Variants in DLGAP2 observed in about 807,000 individuals in gnomAD.
DLGAP2 encodes disks large-associated protein 2.
In DLGAP2, 26 loss-of-function variants were observed where a neutral mutation model predicts 100.3. That is an observed-to-expected ratio of 0.26 (90% confidence interval 0.19 to 0.36). DLGAP2 has a LOEUF of 0.36. Ranked by LOEUF, DLGAP2 falls within the 10% of genes least tolerant of loss-of-function variation. The pLI is 1.00. For synonymous variants in DLGAP2, 886 were observed against 630.1 expected, an observed-to-expected ratio of 1.41 and a Z score of -6.08; for missense variants, 1,858 against 1,453.2, an observed-to-expected ratio of 1.28 and a Z score of -4.53.
chr8:1,057,047 G>A (rs1036381509), intron 2 of DLGAP2, among the ~76,000 whole-genome samples: 9 of 152,158 alleles, frequency 5.9e-5, no homozygotes, highest in Non-Finnish European at 8.8e-5. Context: ...ATCCACACCC[G>A]CAGTTTGAGG....
intron 3 of DLGAP2, among the ~76,000 whole-genome samples, chr8:1,433,675 C>G (rs1221665860): frequency 6.6e-6 from 1 of 150,450 alleles, no homozygotes; most frequent in Non-Finnish European, 1.5e-5. Context: ...CCACTGAACA[C>G]TGGTTAGGTG....
chr8:1,512,219 T>C (rs908483403), intron 4 of DLGAP2, among the ~76,000 whole-genome samples: 5 of 152,294 alleles, frequency 3.3e-5, no homozygotes, highest in African/African-American at 1.2e-4. Flanking sequence ...AGATGTCCAT[T>C]GTAGAAGAAT....
chr8:1,377,476 G>A (rs537750110), intron 3 of DLGAP2, among the ~76,000 whole-genome samples: 8 of 152,278 alleles, frequency 5.3e-5, no homozygotes, highest in East Asian at 3.9e-4. Flanking sequence ...CCTGGGAGGC[G>A]GAGCTGGCAG....
intron 3 of DLGAP2, among the ~76,000 whole-genome samples, chr8:1,325,754 G>C (rs944885990): frequency 1.3e-5 from 2 of 152,180 alleles, no homozygotes; most frequent in Non-Finnish European, 2.9e-5. Context: ...GACAGACTCA[G>C]GTCTGTTTTC....
At chr8:1,211,221 C>T (rs1283905445) in intron 2 of DLGAP2, among the ~76,000 whole-genome samples, 1 of 152,232 alleles carries the variant, frequency 6.6e-6, no homozygotes, top group African/African-American at 2.4e-5. Context: ...CCCATCACTT[C>T]TGTTCATTTC....
At chr8:1,020,067 A>G (rs541811305) in intron 2 of DLGAP2, among the ~76,000 whole-genome samples, 1 of 152,374 alleles carries the variant, frequency 6.6e-6, no homozygotes, top group Non-Finnish European at 1.5e-5. Context: ...TTAAAATTTG[A>G]TGGCCATTAA....
chr8:1,599,057 G>T (rs2130697395), intron 6 of DLGAP2, among the ~76,000 whole-genome samples: 1 of 152,258 alleles, frequency 6.6e-6, no homozygotes. Flanking sequence ...AGAGATTCTG[G>T]TATGTTGTGT....
intron 2 of DLGAP2, among the ~76,000 whole-genome samples, chr8:945,512 G>A (rs377700232): frequency 3.9e-5 from 6 of 152,096 alleles, no homozygotes; most frequent in African/African-American, 9.7e-5. Flanking sequence ...GCTGAGCCCC[G>A]GACAAGCTGA....
At chr8:1,323,269 A>G (rs1048491734) in intron 3 of DLGAP2, among the ~76,000 whole-genome samples, 3 of 152,074 alleles carry the variant, frequency 2.0e-5, no homozygotes, top group Non-Finnish European at 4.4e-5. Flanking sequence ...AGGTCAGGCA[A>G]TCCACCCGCC....
chr8:1,640,499 C>T (rs890666910), intron 8 of DLGAP2, among the ~76,000 whole-genome samples: 72 of 152,306 alleles, frequency 4.7e-4, no homozygotes, highest in African/African-American at 1.6e-3. Flanking sequence ...TCTTCCCAGC[C>T]GCTCAGGATG....
At chr8:1,167,359 C>T (rs77794999) in intron 2 of DLGAP2, among the ~76,000 whole-genome samples, 7,549 of 152,162 alleles carry the variant, frequency 0.05, 217 homozygotes, top group African/African-American at 0.078. Context: ...ACCAGTGTAC[C>T]TCACAGGGAG....
chr8:1,627,129 A>G (rs1025774117), intron 7 of DLGAP2, among the ~76,000 whole-genome samples: 2 of 152,222 alleles, frequency 1.3e-5, no homozygotes, highest in African/African-American at 4.8e-5. Flanking sequence ...TGAGGAAGCA[A>G]TGACCAAAAG....
chr8:849,063 C>G (rs925182908), intron 1 of DLGAP2, among the ~76,000 whole-genome samples: 2 of 151,672 alleles, frequency 1.3e-5, no homozygotes, highest in Non-Finnish European at 2.9e-5. Flanking sequence ...TGTGCCGTGT[C>G]TGTTCCAGTA....
intron 1 of DLGAP2, among the ~76,000 whole-genome samples, chr8:781,622 C>A (rs952468727): frequency 1.3e-5 from 2 of 152,092 alleles, no homozygotes; most frequent in Admixed American, 1.3e-4. Flanking sequence ...GCGCTGAGCC[C>A]ATTAACACAA....
intron 8 of DLGAP2, among the ~76,000 whole-genome samples, chr8:1,653,461 G>T (rs1206697815): frequency 6.6e-6 from 1 of 152,196 alleles, no homozygotes; most frequent in East Asian, 1.9e-4. Context: ...TGGCCCCACA[G>T]GTGTCGTTCA....
intron 4 of DLGAP2, among the ~76,000 whole-genome samples, chr8:1,525,471 C>T (rs1427392166): frequency 6.6e-6 from 1 of 152,140 alleles, no homozygotes; most frequent in Non-Finnish European, 1.5e-5. Flanking sequence ...TCCCAGTGTA[C>T]AATCCTGGCG....
At chr8:1,392,001 T>A (rs1796369449) in intron 3 of DLGAP2, among the ~76,000 whole-genome samples, 1 of 152,224 alleles carries the variant, frequency 6.6e-6, no homozygotes, top group Non-Finnish European at 1.5e-5. Flanking sequence ...GTCGTAGGAC[T>A]GAGAGCGTGA....
chr8:1,193,881 G>A (rs965256008), intron 2 of DLGAP2, among the ~76,000 whole-genome samples: 4 of 152,186 alleles, frequency 2.6e-5, no homozygotes, highest in East Asian at 1.9e-4. Flanking sequence ...GCACCGCGCC[G>A]CCCCCGCCTC....
chr8:899,933 C>T (rs76154365), intron 1 of DLGAP2, among the ~76,000 whole-genome samples: 1,706 of 152,260 alleles, frequency 0.011, 31 homozygotes, highest in African/African-American at 0.039. Flanking sequence ...CCCTCCCTCC[C>T]GAGGCCAGCG....
Sources: allele counts gnomAD v4.1 joint callset (sites outside exome capture counted in the v4.1 genomes callset), GRCh38; gene constraint gnomAD v4.1.1; transcripts MANE v1.5; gene names NCBI Gene and HGNC (gene_info 2026-07-23, HGNC 2026-07-21).